The following IDE variants were observed in gnomAD, a reference collection of about 807,000 sequenced individuals.
The protein encoded by IDE is insulin-degrading enzyme.
Under a neutral mutation model 133.2 loss-of-function variants are expected in IDE, and 58 were observed. The observed-to-expected ratio is 0.44, with a 90% CI of 0.35 to 0.54. The LOEUF is 0.54. Ranked by LOEUF, IDE falls within the 20% of genes least tolerant of loss-of-function variation. IDE has a pLI of 0.00. For missense variants in IDE, 981 were observed against 1,234.0 expected (o/e 0.79, Z 3.07); for synonymous variants, 396 against 421.3 (o/e 0.94, Z 0.73).
intron 1 of IDE, among the ~76,000 whole-genome samples, chr10:92,572,711 C>G (rs927283442): frequency 2.0e-5 from 3 of 152,162 alleles, no homozygotes. Context: ...CTAATTACCC[C>G]AAGGAAATTC....
intron 11 of IDE, among the ~76,000 whole-genome samples, chr10:92,494,940 A>G (rs181436916): frequency 1.3e-5 from 2 of 152,374 alleles, no homozygotes; most frequent in East Asian, 3.9e-4. Context: ...CAGACCTGGC[A>G]ATAAGAAACT....
intron 3 of IDE, among the ~76,000 whole-genome samples, chr10:92,533,566 A>G (rs1343046336): frequency 6.6e-6 from 1 of 152,174 alleles, no homozygotes; most frequent in African/African-American, 2.4e-5. Context: ...ACAGAAAACT[A>G]TAAATATTCA....
At chr10:92,473,272 A>G (rs1313011070) in intron 17 of IDE, among the ~76,000 whole-genome samples, 2 of 152,112 alleles carry the variant, frequency 1.3e-5, no homozygotes, top group Non-Finnish European at 2.9e-5. Flanking sequence ...GGCTGAGCAC[A>G]TAGGAAGAAA....
rs192773916 is a variant in IDE at position 92,568,010 on chromosome 10, C to G, written c.98+5912G>C. 2.0e-5 allele frequency among the ~76,000 whole-genome samples: 3 copies of G among 152,276 alleles called. No individual in the cohort carries two copies. In the East Asian group the frequency reaches 5.8e-4, roughly 29 times the overall value. ...TTCTCAACTCTCCTTCTTTGTTCAT[C>G]CAATTCAATATTTCCTTCAAAGACT... is the stretch of plus-strand genomic sequence containing the variant. On this transcript the variant is annotated intron_variant, in intron 1 of 24. Coordinates refer to ENST00000265986, the MANE Select transcript of IDE (RefSeq NM_004969.4).
chr10:92,526,844 T>TC (rs1554845503), intron 4 of IDE, among the ~76,000 whole-genome samples: 5 of 80,524 alleles, frequency 6.2e-5, no homozygotes, highest in Non-Finnish European at 8.9e-5. Context: ...AGGCCCTGTC[T>TC]CAAAAAAAAA....
At chr10:92,539,631 G>A (rs1842198429) in intron 1 of IDE, among the ~76,000 whole-genome samples, 1 of 152,040 alleles carries the variant, frequency 6.6e-6, no homozygotes, top group Admixed American at 6.6e-5. Context: ...GGGTGTGGTG[G>A]CGTGCACCTG....
intron 1 of IDE, among the ~76,000 whole-genome samples, chr10:92,544,105 T>C (rs1419366284): frequency 1.3e-5 from 2 of 152,034 alleles, no homozygotes; most frequent in African/African-American, 4.8e-5. Flanking sequence ...TGATGGCGCA[T>C]GCCTGTAATC....
chr10:92,507,675 AAG>A lies in IDE; in HGVS notation c.1154-11_1154-10del. ...TATATCTTCAACATGTACTGGAAAA[AAG>A]GGGCACACTTAAAAACCATTCAGTC... On this transcript the variant is annotated splice_polypyrimidine_tract_variant and intron_variant, in intron 8 of 24. Transcript: ENST00000265986. 1.4e-6 allele frequency: 2 copies of A among 1,456,178 alleles called. No individual in the cohort carries two copies. Among genetic ancestry groups the A allele is most frequent in the Non-Finnish European group, 1.9e-6 (2 of 1,036,058 alleles). 90.2% of individuals were successfully genotyped at this position (1,456,178 alleles called of 1,614,324 possible). A position where few individuals can be genotyped will look rare whatever the true frequency, so the allele number is the denominator to read the frequency against.
intron 21 of IDE, among the ~76,000 whole-genome samples, chr10:92,461,889 A>G (rs1449806798): frequency 6.6e-6 from 1 of 151,480 alleles, no homozygotes; most frequent in Non-Finnish European, 1.5e-5. Flanking sequence ...GTTAGCCAGG[A>G]TGGTCTCGAT....
At chr10:92,534,810 TA>T in intron 2 of IDE, 25 bp from the exon 3 acceptor site, 1 of 1,555,482 alleles carries the variant, frequency 6.4e-7, no homozygotes. Flanking sequence ...ACGTATATAA[TA>T]AATCATTGTC....
At chr10:92,487,456 T>C in intron 12 of IDE, 138 bp from the exon 13 acceptor site, 2 of 748,916 alleles carry the variant, frequency 2.7e-6, no homozygotes, top group East Asian at 2.9e-5. Context: ...ATAAAAGAGG[T>C]ACTACCAAAT....
At chr10:92,543,847 G>A (rs1354724612) in intron 1 of IDE, among the ~76,000 whole-genome samples, 1 of 152,124 alleles carries the variant, frequency 6.6e-6, no homozygotes, top group East Asian at 1.9e-4. Flanking sequence ...TTGTGCCACA[G>A]AGGTAACTAT....
intron 21 of IDE, 75 bp downstream of exon 21, chr10:92,463,656 A>T: frequency 4.5e-6 from 6 of 1,333,686 alleles, no homozygotes; most frequent in Non-Finnish European, 6.4e-6. Context: ...TACAAAATGA[A>T]TACCATTTTG....
chr10:92,510,007 TC>T, intron 6 of IDE, 42 bp downstream of exon 6: 1 of 923,318 alleles, frequency 1.1e-6, no homozygotes, highest in Non-Finnish European at 1.8e-6. Flanking sequence ...ATATATTATG[TC>T]CATAAATTAA....
intron 1 of IDE, among the ~76,000 whole-genome samples, chr10:92,561,159 G>C (rs1011020070): frequency 6.6e-6 from 1 of 151,988 alleles, no homozygotes; most frequent in African/African-American, 2.4e-5. Context: ...AGGAGGCTGA[G>C]GCAGGAGAAT....
chr10:92,507,817 C>T (rs1848376541), intron 8 of IDE, 151 bp from the exon 9 acceptor site: 1 of 634,256 alleles, frequency 1.6e-6, no homozygotes, highest in Non-Finnish European at 2.8e-6. Flanking sequence ...ACGTGTCCCA[C>T]ATACATGGCC....
intron 22 of IDE, among the ~76,000 whole-genome samples, chr10:92,457,113 C>T (rs1373697943): frequency 6.6e-6 from 1 of 151,924 alleles, no homozygotes; most frequent in Non-Finnish European, 1.5e-5. Flanking sequence ...GATTAAAAAC[C>T]TAGCCTAGTA....
At chr10:92,470,711 C>T (rs1209053305) in intron 17 of IDE, among the ~76,000 whole-genome samples, 1 of 152,048 alleles carries the variant, frequency 6.6e-6, no homozygotes, top group Admixed American at 6.6e-5. Flanking sequence ...TTGAAGAGTA[C>T]TGTTCAGTTA....
intron 21 of IDE, 101 bp downstream of exon 21, chr10:92,463,630 G>A: frequency 1.8e-6 from 2 of 1,093,390 alleles, no homozygotes; most frequent in Non-Finnish European, 2.7e-6. Flanking sequence ...CCCCAAATAG[G>A]TAACGGAATA....
Sources: allele counts gnomAD v4.1 joint callset (sites outside exome capture counted in the v4.1 genomes callset), GRCh38; gene constraint gnomAD v4.1.1; transcripts MANE v1.5; gene names NCBI Gene and HGNC (gene_info 2026-07-23, HGNC 2026-07-21).